Variants in TENM2 observed in about 807,000 individuals in gnomAD.
The protein encoded by TENM2 is teneurin-2.
In TENM2, 52 loss-of-function variants were observed where a neutral mutation model predicts 245.2. That is an observed-to-expected ratio of 0.21 (90% confidence interval 0.17 to 0.27). TENM2 has a LOEUF of 0.27. TENM2 is among the 10% of genes least tolerant of loss of function. TENM2 has a pLI of 1.00. For synonymous variants in TENM2, 1,363 were observed against 1,438.9 expected, an observed-to-expected ratio of 0.95 and a Z score of 1.19; for missense variants, 3,046 against 3,666.8, an observed-to-expected ratio of 0.83 and a Z score of 4.37.
intron 7 of TENM2, among the ~76,000 whole-genome samples, chr5:168,080,044 T>C (rs1791840044): frequency 6.6e-6 from 1 of 152,344 alleles, no homozygotes; most frequent in African/African-American, 2.4e-5. Flanking sequence ...AATTTGGCTG[T>C]GAATCTATCT....
At chr5:167,358,571 G>T (rs1444220843) in intron 1 of TENM2, among the ~76,000 whole-genome samples, 1 of 151,356 alleles carries the variant, frequency 6.6e-6, no homozygotes, top group Non-Finnish European at 1.5e-5. Flanking sequence ...GCTCTTAATA[G>T]GAAAGTGACC....
the TENM2 span, among the ~76,000 whole-genome samples, chr5:167,120,896 G>C: frequency 3.9e-5 from 6 of 152,184 alleles, no homozygotes; most frequent in Admixed American, 3.3e-4. Context: ...TGCCCATCAT[G>C]GATGCAGCAG....
chr5:167,780,570 A>G (rs1561773896), intron 2 of TENM2, among the ~76,000 whole-genome samples: 1 of 152,206 alleles, frequency 6.6e-6, no homozygotes, highest in Non-Finnish European at 1.5e-5. Context: ...GAAAGCCATG[A>G]TGTGCCTTAC....
chr5:168,133,727 C>T (rs963291484), intron 12 of TENM2, among the ~76,000 whole-genome samples: 3 of 152,220 alleles, frequency 2.0e-5, no homozygotes, highest in African/African-American at 7.2e-5. Flanking sequence ...AACTTCCTTG[C>T]ATAAGTTGAA....
At chr5:167,557,477 G>A (rs1036829431) in intron 2 of TENM2, among the ~76,000 whole-genome samples, 4 of 152,152 alleles carry the variant, frequency 2.6e-5, no homozygotes, top group African/African-American at 9.7e-5. Context: ...TCATAAAATG[G>A]GAATAATAAC....
chr5:167,032,894 A>G, the TENM2 span, among the ~76,000 whole-genome samples: 10 of 152,220 alleles, frequency 6.6e-5, no homozygotes, highest in South Asian at 2.1e-4. Flanking sequence ...GCCATCTTAT[A>G]TATATATTTT....
intron 3 of TENM2, among the ~76,000 whole-genome samples, chr5:167,921,685 A>G (rs1777383990): frequency 6.6e-6 from 1 of 152,210 alleles, no homozygotes; most frequent in Non-Finnish European, 1.5e-5. Context: ...GAAGTTCTTA[A>G]TGTATCTCAG....
At chr5:167,430,411 G>T (rs1764146442) in intron 2 of TENM2, among the ~76,000 whole-genome samples, 1 of 152,090 alleles carries the variant, frequency 6.6e-6, no homozygotes, top group South Asian at 2.1e-4. Flanking sequence ...AAGTCCCCTT[G>T]GTTCTCCAGC....
chr5:168,056,097 G>A (rs983505233), intron 6 of TENM2, among the ~76,000 whole-genome samples: 3 of 152,204 alleles, frequency 2.0e-5, no homozygotes, highest in Non-Finnish European at 2.9e-5. Context: ...GCATGGCTCA[G>A]GGAAGCCCAG....
Position 167,602,687 on chromosome 5 carries a change from C to A in TENM2, c.502+227214C>A, listed in dbSNP as rs142303066. On this transcript the variant is annotated intron_variant, in intron 2 of 28. Transcript: ENST00000518659. Reference sequence around the variant, plus strand: ...GATATAAATGTTATATAGATGATGCCTTGGTTTTTCTAGATTCTGATGATA... The same window carrying A: ...GATATAAATGTTATATAGATGATGCATTGGTTTTTCTAGATTCTGATGATA... 7.6e-4 allele frequency among the ~76,000 whole-genome samples: 115 copies of A among 152,174 alleles called. 1 individual carries two copies. Among genetic ancestry groups the A allele is most frequent in the South Asian group, 3.5e-3 (17 of 4,824 alleles).
At chr5:167,720,161 C>T (rs1207200638) in intron 2 of TENM2, among the ~76,000 whole-genome samples, 1 of 151,238 alleles carries the variant, frequency 6.6e-6, no homozygotes. Context: ...AAGTGTTCCA[C>T]AAAACACGGG....
intron 1 of TENM2, among the ~76,000 whole-genome samples, chr5:167,353,494 G>GTTT (rs1759075121): frequency 1.1e-5 from 1 of 89,074 alleles, no homozygotes; most frequent in Non-Finnish European, 2.2e-5. Flanking sequence ...TTTTGTTGTT[G>GTTT]TTGTTGTTTT....
chr5:168,160,090 G>T (rs1205209699), intron 12 of TENM2, among the ~76,000 whole-genome samples: 1 of 152,150 alleles, frequency 6.6e-6, no homozygotes, highest in Non-Finnish European at 1.5e-5. Flanking sequence ...AGCAAATGTT[G>T]GTAGGTCTGT....
At chr5:167,649,967 T>C (rs279394) in intron 2 of TENM2, among the ~76,000 whole-genome samples, 34,859 of 152,112 alleles carry the variant, frequency 0.23, 5,500 homozygotes, top group African/African-American at 0.44. Flanking sequence ...CTGGAATTAC[T>C]TATTGAAAAG....
At chr5:167,471,534 A>T (rs1049985802) in intron 2 of TENM2, among the ~76,000 whole-genome samples, 11 of 145,024 alleles carry the variant, frequency 7.6e-5, no homozygotes, top group Admixed American at 2.7e-4. Flanking sequence ...AATCTTCAAT[A>T]AAAAAAATCA....
At chr5:167,304,778 G>C (rs1401089143) in intron 1 of TENM2, among the ~76,000 whole-genome samples, 2 of 152,020 alleles carry the variant, frequency 1.3e-5, no homozygotes, top group African/African-American at 4.8e-5. Flanking sequence ...ATTGTTTTGA[G>C]TACATGGGAG....
At chr5:167,527,446 T>C (rs10055311) in intron 2 of TENM2, among the ~76,000 whole-genome samples, 8,807 of 152,144 alleles carry the variant, frequency 0.058, 669 homozygotes, top group African/African-American at 0.18. Context: ...ATCATTTTAC[T>C]CCTCATGTGT....
At chr5:167,474,518 A>ATT (rs1424019283) in intron 2 of TENM2, among the ~76,000 whole-genome samples, 2 of 63,670 alleles carry the variant, frequency 3.1e-5, no homozygotes, top group East Asian at 6.4e-4. Flanking sequence ...AAATAAGTAG[A>ATT]CTTTTTTTTT....
At chr5:168,059,325 G>A (rs747254619) in intron 6 of TENM2, among the ~76,000 whole-genome samples, 3 of 152,168 alleles carry the variant, frequency 2.0e-5, no homozygotes, top group Non-Finnish European at 4.4e-5. Flanking sequence ...GGTTTCCACA[G>A]TAGATTAGAA....
Sources: allele counts gnomAD v4.1 joint callset (sites outside exome capture counted in the v4.1 genomes callset), GRCh38; gene constraint gnomAD v4.1.1; transcripts MANE v1.5; gene names NCBI Gene and HGNC (gene_info 2026-07-23, HGNC 2026-07-21).